Variants in DYM observed in about 807,000 individuals in gnomAD.
The protein encoded by DYM is dyggve-Melchior-Clausen syndrome protein.
Under a neutral mutation model 93.1 loss-of-function variants are expected in DYM, and 78 were observed. The observed-to-expected ratio is 0.84, with a 90% CI of 0.70 to 1.01. The LOEUF is 1.01. Ranked by LOEUF, DYM falls within the 50% of genes least tolerant of loss-of-function variation. DYM has a pLI of 0.00. For missense variants in DYM, 789 were observed against 845.0 expected, an observed-to-expected ratio of 0.93 and a Z score of 0.82; for synonymous variants, 321 against 319.7, an observed-to-expected ratio of 1.00 and a Z score of -0.04.
rs530908766 is a variant in DYM at position 49,364,798 on chromosome 18, C to T, written c.422-1565G>A. ...CCATTTCACACCTCAGTAACATTCC[C>T]TCTGCCTGGAATAGCCTCCAACAAT... On this transcript the variant is annotated intron_variant, in intron 5 of 17. Coordinates refer to ENST00000675505, the MANE Select transcript of DYM (RefSeq NM_001353214.3). 2.0e-5 allele frequency among the ~76,000 whole-genome samples: 3 copies of T among 152,268 alleles called. No homozygotes were observed. The East Asian group carries it at 5.8e-4, about 29-fold the overall frequency.
Position 49,188,517 on chromosome 18 carries a change from T to C in DYM, c.1625+21034A>G, listed in dbSNP as rs140190908. Among the ~76,000 whole-genome samples the C allele has an allele frequency of 3.0e-3, 458 of 152,148 alleles. 3 individuals are homozygous for C. Among genetic ancestry groups the C allele is most frequent in the African/African-American group, 0.01 (424 of 41,496 alleles). ...TGGAATACTATGCAGCCATGAAAAATGATGAGTTCATGTCCTTTGTAGGGA... is the reference window on the plus strand; with the variant it reads ...TGGAATACTATGCAGCCATGAAAAACGATGAGTTCATGTCCTTTGTAGGGA... On this transcript the variant is annotated intron_variant, in intron 14 of 17. Coordinates refer to ENST00000675505, the MANE Select transcript of DYM (RefSeq NM_001353214.3).
intron 13 of DYM, among the ~76,000 whole-genome samples, chr18:49,241,897 C>T (rs968704340): frequency 6.6e-6 from 1 of 152,152 alleles, no homozygotes; most frequent in Non-Finnish European, 1.5e-5. Context: ...AATTATGCTT[C>T]GACTGTCGTT....
intron 14 of DYM, among the ~76,000 whole-genome samples, chr18:49,173,507 T>C (rs2089010979): frequency 6.6e-6 from 1 of 152,132 alleles, no homozygotes. Flanking sequence ...AGGTCTTGAA[T>C]GTATTTTAAG....
At chr18:49,063,611 TTCTC>T (rs1159261415) in intron 17 of DYM, among the ~76,000 whole-genome samples, 3 of 142,604 alleles carry the variant, frequency 2.1e-5, no homozygotes, top group African/African-American at 5.2e-5. Flanking sequence ...ATTTCTTTCT[TTCTC>T]TCTCTTTTTT....
At chr18:49,366,999 T>C (rs1014557141) in intron 5 of DYM, among the ~76,000 whole-genome samples, 7 of 152,172 alleles carry the variant, frequency 4.6e-5, no homozygotes, top group African/African-American at 1.2e-4. Flanking sequence ...TTTTTAAAGA[T>C]ATGTTTCTAC....
intron 3 of DYM, among the ~76,000 whole-genome samples, chr18:49,391,105 A>G (rs1350431023): frequency 6.6e-6 from 1 of 152,210 alleles, no homozygotes; most frequent in Non-Finnish European, 1.5e-5. Context: ...AATCCTGTAA[A>G]TAGTTGTCCT....
intron 8 of DYM, among the ~76,000 whole-genome samples, chr18:49,292,624 A>AAAAAC (rs1568189068): frequency 9.2e-5 from 6 of 65,054 alleles, no homozygotes; most frequent in African/African-American, 2.7e-4. Context: ...AAAAAAAAAA[A>AAAAAC]ACCCCCACAA....
intron 17 of DYM, among the ~76,000 whole-genome samples, chr18:49,067,359 G>T (rs357858): frequency 2.1e-5 from 3 of 142,546 alleles, no homozygotes; most frequent in African/African-American, 2.6e-5. Flanking sequence ...GGAAGGAGTG[G>T]GGTGATGTGT....
intron 17 of DYM, 134 bp downstream of exon 17, chr18:49,097,268 G>T: frequency 1.3e-6 from 1 of 777,352 alleles, no homozygotes; most frequent in Non-Finnish European, 2.2e-6. Flanking sequence ...AGAAACCTTT[G>T]TCACAGTTCT....
At chr18:49,210,136 G>C (rs1304913385) in intron 13 of DYM, among the ~76,000 whole-genome samples, 1 of 152,204 alleles carries the variant, frequency 6.6e-6, no homozygotes, top group Non-Finnish European at 1.5e-5. Context: ...AGCTACTTTG[G>C]AATGCAGTTC....
chr18:49,118,701 TAC>T (rs1568449892), intron 16 of DYM, 41 bp downstream of exon 16: 2 of 1,558,496 alleles, frequency 1.3e-6, no homozygotes, highest in Admixed American at 3.3e-5. Context: ...TCTGCTTTAA[TAC>T]TTAAAAAAGA....
intron 13 of DYM, among the ~76,000 whole-genome samples, chr18:49,251,736 A>G (rs1173875799): frequency 6.6e-6 from 1 of 152,180 alleles, no homozygotes; most frequent in Non-Finnish European, 1.5e-5. Flanking sequence ...GGTAAAGAAC[A>G]TCATCACCAA....
chr18:49,350,306 G>A (rs1330866627), intron 6 of DYM, among the ~76,000 whole-genome samples: 2 of 152,106 alleles, frequency 1.3e-5, no homozygotes, highest in Non-Finnish European at 2.9e-5. Context: ...TCCATACATA[G>A]CTATAAAAAA....
At chr18:49,382,301 T>C (rs916092835) in intron 3 of DYM, among the ~76,000 whole-genome samples, 1 of 152,180 alleles carries the variant, frequency 6.6e-6, no homozygotes, top group Admixed American at 6.5e-5. Flanking sequence ...AAGGAGATAC[T>C]TGTAAAGAGA....
At chr18:49,361,232 C>T (rs2065991090) in intron 6 of DYM, among the ~76,000 whole-genome samples, 1 of 152,198 alleles carries the variant, frequency 6.6e-6, no homozygotes, top group South Asian at 2.1e-4. Context: ...AATGACTCTT[C>T]AGCTGCCTCA....
At chr18:49,092,929 C>T (rs748953955) in intron 17 of DYM, among the ~76,000 whole-genome samples, 1 of 152,148 alleles carries the variant, frequency 6.6e-6, no homozygotes, top group Non-Finnish European at 1.5e-5. Context: ...CACTGGGAGT[C>T]CCTCCTTTAA....
At chr18:49,104,386 T>G (rs1394161109) in intron 16 of DYM, among the ~76,000 whole-genome samples, 15 of 152,212 alleles carry the variant, frequency 9.9e-5, no homozygotes, top group Admixed American at 9.2e-4. Flanking sequence ...CCTCTTTTCC[T>G]AATTGAATAT....
At chr18:49,175,710 G>A (rs1021010917) in intron 14 of DYM, among the ~76,000 whole-genome samples, 10 of 152,092 alleles carry the variant, frequency 6.6e-5, no homozygotes, top group African/African-American at 2.4e-4. Context: ...CATAATGCAT[G>A]GACAACAGAT....
At chr18:49,228,209 T>C (rs2093595176) in intron 13 of DYM, among the ~76,000 whole-genome samples, 2 of 152,286 alleles carry the variant, frequency 1.3e-5, no homozygotes, top group African/African-American at 4.8e-5. Context: ...TGTTCCATAT[T>C]CAATGATCCA....
Sources: allele counts gnomAD v4.1 joint callset (sites outside exome capture counted in the v4.1 genomes callset), GRCh38; gene constraint gnomAD v4.1.1; transcripts MANE v1.5; gene names NCBI Gene and HGNC (gene_info 2026-07-23, HGNC 2026-07-21).